Variants in MCTP2 observed in about 807,000 individuals in gnomAD.
The protein encoded by MCTP2 is multiple C2 and transmembrane domain containing 2, also known as multiple C2 and transmembrane domain-containing protein 2.
Under a neutral mutation model 111.6 loss-of-function variants are expected in MCTP2, and 132 were observed. That is an observed-to-expected ratio of 1.18 (90% CI 1.03 to 1.37). The LOEUF is 1.37. Among genes scored for constraint, MCTP2 ranks in the 40% most tolerant of loss-of-function variants. The pLI is 0.00. For missense variants in MCTP2, 1,183 were observed against 1,067.9 expected (o/e 1.11, Z -1.50); for synonymous variants, 395 against 387.7 (o/e 1.02, Z -0.22).
chr15:94,467,673 A>C (rs1425567042), intron 20 of MCTP2, among the ~76,000 whole-genome samples: 1 of 152,162 alleles, frequency 6.6e-6, no homozygotes, highest in Non-Finnish European at 1.5e-5. Flanking sequence ...AATATTACTA[A>C]CCAGCCTGGA....
At chr15:94,362,367 A>G (rs1348201126) in intron 10 of MCTP2, among the ~76,000 whole-genome samples, 1 of 152,180 alleles carries the variant, frequency 6.6e-6, no homozygotes, top group Non-Finnish European at 1.5e-5. Flanking sequence ...TTAACTCATT[A>G]TAGAATTTTC....
At position 94,417,510 on chromosome 15, in the gene MCTP2, CGT is replaced by C. The variant is rs1437696924; in HGVS notation, c.2085+15501_2085+15502del. ...AAGATTGTTTGAGTGAGTACACGTA[CGT>C]GTGTGTGTGCGCACATGTTTTAAGA... is the stretch of plus-strand genomic sequence containing the variant. On this transcript the variant is annotated intron_variant, in intron 17 of 22. Coordinates refer to ENST00000357742, the MANE Select transcript of MCTP2 (RefSeq NM_001385001.1). Among the ~76,000 whole-genome samples the C allele has an allele frequency of 1.9e-4, 29 of 152,050 alleles. No homozygotes were observed. The South Asian group carries it at 5.6e-3, about 29-fold the overall frequency.
chr15:94,411,864 A>G (rs1208427719), intron 17 of MCTP2, among the ~76,000 whole-genome samples: 1 of 152,144 alleles, frequency 6.6e-6, no homozygotes, highest in Non-Finnish European at 1.5e-5. Flanking sequence ...TTCTCTTATT[A>G]CCTAAATCCA....
At chr15:94,454,528 A>G (rs2084677282) in intron 19 of MCTP2, among the ~76,000 whole-genome samples, 1 of 152,130 alleles carries the variant, frequency 6.6e-6, no homozygotes, top group Non-Finnish European at 1.5e-5. Flanking sequence ...ACCCGTCATC[A>G]TTTTAGGAAG....
At chr15:94,358,364 T>C (rs528761929) in intron 9 of MCTP2, 118 bp from the exon 10 acceptor site, 57 of 896,062 alleles carry the variant, frequency 6.4e-5, no homozygotes, top group Non-Finnish European at 8.5e-5. Flanking sequence ...TTTACCTTTA[T>C]AAGGGGTGAG....
intron 22 of MCTP2, among the ~76,000 whole-genome samples, chr15:94,478,554 A>AT (rs1446712417): frequency 2.0e-5 from 3 of 152,130 alleles, no homozygotes; most frequent in African/African-American, 7.2e-5. Context: ...AATGTGTATA[A>AT]TTTTCCGAGA....
In MCTP2 at chr15:94,440,232, G is replaced by T. The variant is rs1266686689; in HGVS notation, c.2142G>T (p.Leu714Phe). The change falls in exon 18 of 23, where the codon TTG (leucine) becomes TTT (phenylalanine). Residue 714 changes from leucine to phenylalanine, a missense_variant. Transcript: ENST00000357742. The part of the protein sequence containing the change: ...FELYMIPLAL[L>F]LIFVYNFIRP... ...TATATATGATCCCCTTGGCATTGTT[G>T]CTGATCTTTGTCTACAATTTCATCA... is the stretch of plus-strand genomic sequence containing the variant. The T allele has an allele frequency of 6.2e-7, 1 of 1,613,982 alleles. No individual in the cohort carries two copies. The highest frequency in any genetic ancestry group is 2.2e-5 in the East Asian group (1 of 44,868).
intron 19 of MCTP2, among the ~76,000 whole-genome samples, chr15:94,456,822 C>T (rs755905931): frequency 1.3e-5 from 2 of 152,148 alleles, no homozygotes; most frequent in Non-Finnish European, 2.9e-5. Flanking sequence ...ATTCTAGCCT[C>T]TGTTCTTCCT....
Position 94,382,846 on chromosome 15 carries a change from C to G in MCTP2, c.1583-1176C>G, listed in dbSNP as rs140326678. ...CAGACGCCGGCAATGCGTTAATGTC[C>G]TACGGACATTACGGAGCCATTCGTT... On this transcript the variant is annotated intron_variant, in intron 12 of 22. Transcript: ENST00000357742. Among the ~76,000 whole-genome samples the G allele has an allele frequency of 6.9e-4, 105 of 152,380 alleles. 1 individual carries two copies. Among genetic ancestry groups the G allele is most frequent in the South Asian group, 1.7e-3 (8 of 4,830 alleles).
intron 15 of MCTP2, among the ~76,000 whole-genome samples, chr15:94,399,331 G>T (rs534570495): frequency 2.6e-5 from 4 of 152,312 alleles, no homozygotes; most frequent in African/African-American, 9.6e-5. Context: ...AAATATTTCG[G>T]TTAAGGAATT....
chr15:94,467,053 A>G (rs1231429142), intron 20 of MCTP2, among the ~76,000 whole-genome samples: 5 of 152,178 alleles, frequency 3.3e-5, no homozygotes, highest in Non-Finnish European at 7.3e-5. Context: ...ACTATATGCC[A>G]TATATCTTTA....
chr15:94,341,759 T>C (rs2077652404), intron 7 of MCTP2: 1 of 152,214 alleles, frequency 6.6e-6, no homozygotes, highest in Admixed American at 6.5e-5. Context: ...CAGTTACCTT[T>C]TCAAAGATTC....
At chr15:94,415,597 G>GA (rs201761422) in intron 17 of MCTP2, among the ~76,000 whole-genome samples, 1 of 152,066 alleles carries the variant, frequency 6.6e-6, no homozygotes, top group East Asian at 1.9e-4. Context: ...TAAATATGTA[G>GA]AAAATAGGTG....
At chr15:94,438,885 A>C (rs1041770156) in intron 17 of MCTP2, among the ~76,000 whole-genome samples, 4 of 152,140 alleles carry the variant, frequency 2.6e-5, no homozygotes, top group Admixed American at 2.6e-4. Flanking sequence ...TTAAACAGTG[A>C]TATCCTTCTG....
chr15:94,435,629 C>CTTTTTTTTTTTTTTTTTTTTTTT (rs202170550), intron 17 of MCTP2, among the ~76,000 whole-genome samples: 1 of 117,920 alleles, frequency 8.5e-6, no homozygotes, highest in African/African-American at 3.1e-5. Context: ...TTTTTTTATT[C>CTTTTTTTTTTTTTTTTTTTTTTT]TTTTTTTTTT....
intron 1 of MCTP2, among the ~76,000 whole-genome samples, chr15:94,251,412 G>A (rs190932895): frequency 6.6e-6 from 1 of 151,256 alleles, no homozygotes; most frequent in African/African-American, 2.4e-5. Context: ...AGGCTGGAGT[G>A]CAGTGGCGCG....
At chr15:94,392,085 T>G (rs1309652681) in intron 14 of MCTP2, among the ~76,000 whole-genome samples, 1 of 152,054 alleles carries the variant, frequency 6.6e-6, no homozygotes, top group Non-Finnish European at 1.5e-5. Context: ...ATAAGGTTAT[T>G]ATAAGGCCAG....
intron 19 of MCTP2, among the ~76,000 whole-genome samples, chr15:94,443,438 C>A (rs1341447795): frequency 6.6e-6 from 1 of 152,164 alleles, no homozygotes; most frequent in East Asian, 1.9e-4. Flanking sequence ...TCTCTCAAAT[C>A]TGCTGCTTTT....
At chr15:94,345,966 G>A (rs1391585558) in intron 8 of MCTP2, among the ~76,000 whole-genome samples, 2 of 152,010 alleles carry the variant, frequency 1.3e-5, no homozygotes, top group African/African-American at 4.8e-5. Flanking sequence ...AGATGATCTC[G>A]GTGAATGCCT....
Sources: allele counts gnomAD v4.1 joint callset (sites outside exome capture counted in the v4.1 genomes callset), GRCh38; gene constraint gnomAD v4.1.1; transcripts MANE v1.5; gene names NCBI Gene and HGNC (gene_info 2026-07-23, HGNC 2026-07-21).